Variants in MNAT1 observed in about 807,000 individuals in gnomAD.
The protein encoded by MNAT1 is MNAT1 component of CDK activating kinase.
MNAT1 carries 43 observed loss-of-function variants against 42.0 expected under a neutral mutation model. That is an observed-to-expected ratio of 1.02 (90% CI 0.80 to 1.32). The LOEUF is 1.32. Ranked by LOEUF, MNAT1 falls within the 40% of genes most tolerant of loss-of-function variation. The probability of loss-of-function intolerance (pLI) is 0.00; values close to 1 mark genes in which losing one functional copy is unlikely to be tolerated. For missense variants in MNAT1, 306 were observed against 350.4 expected (o/e 0.87, Z 1.01); for synonymous variants, 118 against 120.0 (o/e 0.98, Z 0.11).
chr14:60,815,992 A>G (rs2032703168), intron 5 of MNAT1, among the ~76,000 whole-genome samples: 1 of 152,194 alleles, frequency 6.6e-6, no homozygotes, highest in Admixed American at 6.5e-5. Context: ...TTAACTAAGT[A>G]AAAGAACGTA....
intron 6 of MNAT1, among the ~76,000 whole-genome samples, chr14:60,854,077 C>T (rs558240353): frequency 1.6e-4 from 24 of 152,276 alleles, no homozygotes; most frequent in Admixed American, 5.2e-4. Context: ...CCGTTTCTTC[C>T]ACTTTACAGA....
intron 7 of MNAT1, among the ~76,000 whole-genome samples, chr14:60,891,400 C>T (rs2034840388): frequency 2.0e-5 from 3 of 150,428 alleles, no homozygotes; most frequent in African/African-American, 7.3e-5. Context: ...TCTTCTCTTT[C>T]TAGTTCCTTA....
intron 6 of MNAT1, among the ~76,000 whole-genome samples, chr14:60,863,636 A>AT (rs973572295): frequency 2.0e-5 from 3 of 152,050 alleles, no homozygotes; most frequent in Admixed American, 6.6e-5. Flanking sequence ...TAAAATTGTT[A>AT]TTTTTTTAAT....
At chr14:60,898,652 T>C (rs2035012645) in intron 7 of MNAT1, among the ~76,000 whole-genome samples, 1 of 152,184 alleles carries the variant, frequency 6.6e-6, no homozygotes, top group Non-Finnish European at 1.5e-5. Flanking sequence ...ATATTCTAGA[T>C]GTTAGGTCCT....
intron 7 of MNAT1, among the ~76,000 whole-genome samples, chr14:60,940,765 T>C (rs2036136601): frequency 1.3e-5 from 2 of 152,194 alleles, no homozygotes; most frequent in Admixed American, 6.5e-5. Flanking sequence ...AATGGCTTAA[T>C]AAACTTATGA....
At chr14:60,967,814 A>T (rs1210625693) in intron 7 of MNAT1, among the ~76,000 whole-genome samples, 1 of 152,194 alleles carries the variant, frequency 6.6e-6, no homozygotes, top group East Asian at 1.9e-4. Context: ...GTTTGCTTTA[A>T]AACAAATTTA....
chr14:60,890,235 A>T (rs2034803160), intron 7 of MNAT1, among the ~76,000 whole-genome samples: 1 of 152,232 alleles, frequency 6.6e-6, no homozygotes, highest in Non-Finnish European at 1.5e-5. Context: ...GATTAAGAAA[A>T]TGTGGCACAT....
At chr14:60,842,909 G>C (rs1367984518) in intron 6 of MNAT1, among the ~76,000 whole-genome samples, 1 of 152,164 alleles carries the variant, frequency 6.6e-6, no homozygotes, top group Non-Finnish European at 1.5e-5. Flanking sequence ...CATGTTGCTA[G>C]CCCAGGAAAA....
intron 3 of MNAT1, among the ~76,000 whole-genome samples, chr14:60,799,852 A>G (rs1444813831): frequency 6.6e-5 from 10 of 152,158 alleles, no homozygotes; most frequent in Non-Finnish European, 7.4e-5. Flanking sequence ...TTGGGGGTAT[A>G]CAACATGTAA....
Position 60,968,424 on chromosome 14 carries a change from T to C in MNAT1, c.*75T>C. ...TAAAGCAGACTTATAAAATTATAGC[T>C]ATGTGCAGCTGCACAACACAGTCCT... is the stretch of plus-strand genomic sequence containing the variant. On this transcript the variant is annotated 3_prime_UTR_variant, in exon 8 of 8. Transcript: ENST00000261245. 6.4e-7 allele frequency: 1 copy of C among 1,558,516 alleles called. No individual in the cohort carries two copies. Among genetic ancestry groups the C allele is most frequent in the South Asian group, 1.2e-5 (1 of 84,434 alleles).
At position 60,760,013 on chromosome 14, in the gene MNAT1, G is replaced by T. The variant is rs561622055; in HGVS notation, c.89+25062G>T. On this transcript the variant is annotated intron_variant, in intron 1 of 7. Coordinates refer to ENST00000261245, the MANE Select transcript of MNAT1 (RefSeq NM_002431.4). ...TTTAAGTAGTAGAAAATTCAAGCCAGCTTGGGTAGGGAGAATATGAAGTGA... is the reference window on the plus strand; with the variant it reads ...TTTAAGTAGTAGAAAATTCAAGCCATCTTGGGTAGGGAGAATATGAAGTGA... Among the ~76,000 whole-genome samples, 6 of 152,304 alleles carry T rather than the reference G, an allele frequency of 3.9e-5. No homozygotes were observed. The East Asian group carries it at 9.6e-4, about 24-fold the overall frequency.
chr14:60,911,511 C>G (rs1043080413), intron 7 of MNAT1, among the ~76,000 whole-genome samples: 2 of 152,086 alleles, frequency 1.3e-5, no homozygotes, highest in African/African-American at 4.8e-5. Flanking sequence ...CCCAGAGATT[C>G]TGGTATGTTG....
At chr14:60,812,211 G>T in intron 5 of MNAT1, 84 bp downstream of exon 5, 1 of 1,307,594 alleles carries the variant, frequency 7.6e-7, no homozygotes, top group Non-Finnish European at 1.0e-6. Flanking sequence ...GCATTTAAAG[G>T]GCTTTTCCAC....
intron 7 of MNAT1, among the ~76,000 whole-genome samples, chr14:60,898,469 A>T (rs1290322828): frequency 6.6e-6 from 1 of 152,132 alleles, no homozygotes; most frequent in Non-Finnish European, 1.5e-5. Context: ...CTGGGGTAAG[A>T]TGCTATCTCA....
intron 7 of MNAT1, among the ~76,000 whole-genome samples, chr14:60,924,415 C>T (rs1376061731): frequency 2.0e-5 from 3 of 149,398 alleles, no homozygotes; most frequent in Admixed American, 1.3e-4. Flanking sequence ...GTACTCCATG[C>T]CTTGAAAATA....
chr14:60,856,313 G>C (rs2033957472), intron 6 of MNAT1, among the ~76,000 whole-genome samples: 2 of 152,198 alleles, frequency 1.3e-5, no homozygotes, highest in African/African-American at 4.8e-5. Context: ...GGGTAAAAGA[G>C]CAAACCAGTC....
chr14:60,863,883 A>G (rs1005710493), intron 6 of MNAT1, among the ~76,000 whole-genome samples: 4 of 152,130 alleles, frequency 2.6e-5, no homozygotes, highest in Non-Finnish European at 5.9e-5. Flanking sequence ...AGCTTTCTAG[A>G]AAGGCAATTT....
intron 7 of MNAT1, among the ~76,000 whole-genome samples, chr14:60,900,192 C>G (rs927426542): frequency 6.6e-5 from 10 of 152,248 alleles, no homozygotes; most frequent in African/African-American, 2.2e-4. Flanking sequence ...TCACATGTCT[C>G]TCACTTTCAA....
chr14:60,840,001 A>C (rs1049259562), intron 6 of MNAT1, among the ~76,000 whole-genome samples: 11 of 152,246 alleles, frequency 7.2e-5, no homozygotes, highest in Non-Finnish European at 1.2e-4. Flanking sequence ...GAAAACTTGC[A>C]CAAAAGGTGC....
Sources: gnomAD v4.1 joint callset for allele counts (sites outside exome capture counted in the v4.1 genomes callset) on GRCh38, gnomAD v4.1.1 for gene constraint, MANE v1.5 for transcripts, NCBI Gene and HGNC (gene_info 2026-07-23, HGNC 2026-07-21) for gene names.